Variants in SLC22A9 observed in about 807,000 individuals in gnomAD.
The protein encoded by SLC22A9 is organic anion transporter 7.
Under a neutral mutation model 50.1 loss-of-function variants are expected in SLC22A9, and 64 were observed. That is an observed-to-expected ratio of 1.28 (90% confidence interval 1.04 to 1.57). The LOEUF is 1.57. Among genes scored for constraint, SLC22A9 ranks in the 40% most tolerant of loss-of-function variants. SLC22A9 has a pLI of 0.00. For missense variants in SLC22A9, 757 were observed against 676.1 expected, an observed-to-expected ratio of 1.12 and a Z score of -1.33; for synonymous variants, 261 against 242.5, an observed-to-expected ratio of 1.08 and a Z score of -0.71.
At chr11:63,384,049 GAA>G (rs58436264) in intron 6 of SLC22A9, among the ~76,000 whole-genome samples, 1 of 132,908 alleles carries the variant, frequency 7.5e-6, no homozygotes, top group African/African-American at 2.9e-5. Flanking sequence ...CTCCATCTAA[GAA>G]AAAAAAAAAA....
intron 6 of SLC22A9, among the ~76,000 whole-genome samples, chr11:63,387,125 A>G (rs763848388): frequency 6.6e-6 from 1 of 151,988 alleles, no homozygotes; most frequent in Middle Eastern, 3.4e-3. Context: ...AAGAATTTGC[A>G]GAAGGATTTT....
At chr11:63,396,820 C>A (rs2014866810) in intron 6 of SLC22A9, among the ~76,000 whole-genome samples, 1 of 152,098 alleles carries the variant, frequency 6.6e-6, no homozygotes, top group South Asian at 2.1e-4. Flanking sequence ...ATTCTGAATT[C>A]TCTGTGTGAA....
intron 6 of SLC22A9, among the ~76,000 whole-genome samples, chr11:63,400,269 A>G (rs1403221645): frequency 6.6e-6 from 1 of 152,074 alleles, no homozygotes; most frequent in Non-Finnish European, 1.5e-5. Context: ...CTTTATGCAA[A>G]CTAAGAAAAA....
rs2014317185 is a variant in SLC22A9 at position 63,369,871 on chromosome 11, C to T, written c.-186C>T. 3.6e-6 allele frequency: 2 copies of T among 562,030 alleles called. No individual in the cohort carries two copies. Among genetic ancestry groups the T allele is most frequent in the Non-Finnish European group, 6.0e-6 (2 of 334,094 alleles). 34.8% of individuals were successfully genotyped at this position (562,030 alleles called of 1,614,324 possible). A position where few individuals can be genotyped will look rare whatever the true frequency, so the allele number is the denominator to read the frequency against. ...GAGAAAACGGCTACCTATCTGACCC[C>T]AAAACGACTTGAGGAAACTGTTTCC... On this transcript the variant is annotated 5_prime_UTR_variant, in exon 1 of 10. Coordinates refer to ENST00000279178, the MANE Select transcript of SLC22A9 (RefSeq NM_080866.3).
intron 5 of SLC22A9, among the ~76,000 whole-genome samples, chr11:63,381,053 T>A (rs2014552907): frequency 6.6e-6 from 1 of 152,140 alleles, no homozygotes; most frequent in South Asian, 2.1e-4. Context: ...TTGCCTAAAT[T>A]TGAATTTATT....
intron 6 of SLC22A9, among the ~76,000 whole-genome samples, chr11:63,394,833 G>T (rs1434266256): frequency 6.6e-6 from 1 of 152,108 alleles, no homozygotes; most frequent in African/African-American, 2.4e-5. Context: ...CAAACTTTTA[G>T]ATTTCTCTTC....
At chr11:63,383,677 C>T (rs1233101480) in intron 6 of SLC22A9, among the ~76,000 whole-genome samples, 1 of 152,064 alleles carries the variant, frequency 6.6e-6, no homozygotes, top group Non-Finnish European at 1.5e-5. Context: ...CAGAAACTGA[C>T]CATAAAGAGA....
At chr11:63,375,545 G>A in intron 4 of SLC22A9, 100 bp from the exon 5 acceptor site, 5 of 1,491,634 alleles carry the variant, frequency 3.4e-6, no homozygotes, top group Non-Finnish European at 4.5e-6. Context: ...CAAACAAGTG[G>A]TGGATATTAG....
At chr11:63,385,106 GTTT>G (rs149124193) in intron 6 of SLC22A9, among the ~76,000 whole-genome samples, 6 of 76,524 alleles carry the variant, frequency 7.8e-5, no homozygotes, top group South Asian at 5.3e-4. Flanking sequence ...TGATGATACA[GTTT>G]TTTTTTTTTT....
At chr11:63,387,552 T>C (rs2014690549) in intron 6 of SLC22A9, among the ~76,000 whole-genome samples, 1 of 152,144 alleles carries the variant, frequency 6.6e-6, no homozygotes, top group Non-Finnish European at 1.5e-5. Context: ...TTGGCTACTA[T>C]AGCTCTGTAG....
chr11:63,374,073 G>T lies in SLC22A9; in HGVS notation c.830+11G>T. ...CTTTCTGACCTCAAGGTATGAGTTT[G>T]TTTCTTCTTTTGTCTTAATGAGATA... On this transcript the variant is annotated intron_variant, in intron 4 of 9. Coordinates refer to ENST00000279178, the MANE Select transcript of SLC22A9 (RefSeq NM_080866.3). 7 of 1,596,706 alleles carry T rather than the reference G, an allele frequency of 4.4e-6. No homozygotes were observed. Among genetic ancestry groups the T allele is most frequent in the South Asian group, 1.1e-5 (1 of 87,944 alleles).
rs2015110910 is a variant in SLC22A9 at position 63,409,949 on chromosome 11, T to C, written c.*87T>C. On this transcript the variant is annotated 3_prime_UTR_variant, in exon 10 of 10. Transcript: ENST00000279178. ...CTAGACACTAGCAAAATCTAGAAAATAAATAACAAGGCTGGGTGCGGTGGC... is the reference window on the plus strand; with the variant it reads ...CTAGACACTAGCAAAATCTAGAAAACAAATAACAAGGCTGGGTGCGGTGGC... 6.7e-7 allele frequency: 1 copy of C among 1,485,466 alleles called. No homozygotes were observed. The highest frequency in any genetic ancestry group is 1.4e-5 in the African/African-American group (1 of 71,638). 92.0% of individuals were successfully genotyped at this position (1,485,466 alleles called of 1,614,324 possible).
Position 63,393,051 on chromosome 11 carries a change from G to A in SLC22A9, c.1073+10774G>A, listed in dbSNP as rs369069577. On this transcript the variant is annotated intron_variant, in intron 6 of 9. Coordinates refer to ENST00000279178, the MANE Select transcript of SLC22A9 (RefSeq NM_080866.3). ...TGATGGTTTTATTTTCATGGGAATC[G>A]CATTGAATTTGTAGATTGCTTTTGG... is the stretch of plus-strand genomic sequence containing the variant. Among the ~76,000 whole-genome samples, 57 of 152,054 alleles carry A rather than the reference G, an allele frequency of 3.7e-4. 3 individuals carry two copies. The East Asian group carries it at 3.9e-3, about 10-fold the overall frequency.
chr11:63,375,182 T>G (rs1591013274), intron 4 of SLC22A9, among the ~76,000 whole-genome samples: 1 of 152,314 alleles, frequency 6.6e-6, no homozygotes, highest in East Asian at 1.9e-4. Context: ...GGTAAGTAAC[T>G]TGTTAATATG....
chr11:63,375,077 T>C (rs2014437360), intron 4 of SLC22A9, among the ~76,000 whole-genome samples: 1 of 152,152 alleles, frequency 6.6e-6, no homozygotes, highest in South Asian at 2.1e-4. Flanking sequence ...GCAAACTCCC[T>C]GTCAGGCTCA....
At chr11:63,401,070 G>T (rs1230056857) in intron 6 of SLC22A9, among the ~76,000 whole-genome samples, 3 of 151,950 alleles carry the variant, frequency 2.0e-5, no homozygotes, top group Non-Finnish European at 2.9e-5. Flanking sequence ...AAAAATGAAA[G>T]CTCTTCTTCT....
At chr11:63,399,110 C>T (rs1453949982) in intron 6 of SLC22A9, among the ~76,000 whole-genome samples, 1 of 151,942 alleles carries the variant, frequency 6.6e-6, no homozygotes, top group Non-Finnish European at 1.5e-5. Context: ...ACACAAAGTC[C>T]TTATACACAA....
Position 63,370,141 on chromosome 11 carries a change from G to C in SLC22A9, c.85G>C (p.Val29Leu). ...LQTVFLSIFA[V>L]ATYLHFMLEN... is the part of the protein sequence containing the mutation. ...GACTGTTTTTCTCTCAATCTTTGCT[G>C]TTGCTACATACCTTCATTTTATGCT... Residue 29 changes from valine (V) to leucine (L), a missense_variant, in exon 1 of 10, where the codon GTT becomes CTT. Coordinates refer to ENST00000279178, the MANE Select transcript of SLC22A9 (RefSeq NM_080866.3). 2 of 1,614,030 alleles carry C rather than the reference G, an allele frequency of 1.2e-6. No homozygotes were observed. Among genetic ancestry groups the C allele is most frequent in the Non-Finnish European group, 1.7e-6 (2 of 1,179,930 alleles).
intron 7 of SLC22A9, 145 bp downstream of exon 7, chr11:63,406,856 G>A (rs1174138317): frequency 5.3e-6 from 5 of 936,194 alleles, no homozygotes; most frequent in Non-Finnish European, 7.8e-6. Context: ...ATTTGGGACA[G>A]ATTCTGCCAC....
Sources: allele counts gnomAD v4.1 joint callset (sites outside exome capture counted in the v4.1 genomes callset), GRCh38; gene constraint gnomAD v4.1.1; transcripts MANE v1.5; gene names NCBI Gene and HGNC (gene_info 2026-07-23, HGNC 2026-07-21).